Variants in HS6ST3 observed in about 807,000 individuals in gnomAD.
HS6ST3 encodes heparan sulfate 6-O-sulfotransferase 3.
Under a neutral mutation model 36.7 loss-of-function variants are expected in HS6ST3, and 12 were observed. The observed-to-expected ratio is 0.33, with a 90% CI of 0.21 to 0.53. HS6ST3 has a LOEUF of 0.53. Ranked by LOEUF, HS6ST3 falls within the 20% of genes least tolerant of loss-of-function variation. The pLI is 0.95. For synonymous variants in HS6ST3, 240 were observed against 257.5 expected (o/e 0.93, Z 0.65); for missense variants, 584 against 640.9 (o/e 0.91, Z 0.96).
chr13:96,426,217 C>T (rs1434132653), intron 1 of HS6ST3, among the ~76,000 whole-genome samples: 1 of 152,078 alleles, frequency 6.6e-6, no homozygotes, highest in African/African-American at 2.4e-5. Context: ...TTATGTAAAG[C>T]TAATAAGCTT....
intron 1 of HS6ST3, among the ~76,000 whole-genome samples, chr13:96,340,189 A>G (rs1410954239): frequency 6.6e-6 from 1 of 152,238 alleles, no homozygotes; most frequent in African/African-American, 2.4e-5. Flanking sequence ...GACCTAAGAA[A>G]TCAACAACAT....
At chr13:96,432,437 T>A (rs60780546) in intron 1 of HS6ST3, among the ~76,000 whole-genome samples, 1 of 152,194 alleles carries the variant, frequency 6.6e-6, no homozygotes, top group Non-Finnish European at 1.5e-5. Context: ...TCTTTTCTAG[T>A]ATATTGTTAA....
At chr13:96,322,280 C>T (rs1377253144) in intron 1 of HS6ST3, among the ~76,000 whole-genome samples, 3 of 151,420 alleles carry the variant, frequency 2.0e-5, no homozygotes, top group East Asian at 1.9e-4. Flanking sequence ...TGCTGTGGCT[C>T]GTGCCTGTAT....
intron 1 of HS6ST3, among the ~76,000 whole-genome samples, chr13:96,353,377 G>C (rs1449460489): frequency 1.3e-5 from 2 of 151,436 alleles, no homozygotes; most frequent in Non-Finnish European, 2.9e-5. Flanking sequence ...AATTAGTGTA[G>C]AATATAGGTG....
chr13:96,307,378 A>T (rs1004599479), intron 1 of HS6ST3, among the ~76,000 whole-genome samples: 3 of 152,152 alleles, frequency 2.0e-5, no homozygotes, highest in African/African-American at 7.2e-5. Flanking sequence ...AAAATATGGA[A>T]AAAAGAAACT....
intron 1 of HS6ST3, among the ~76,000 whole-genome samples, chr13:96,777,777 C>T (rs1031050038): frequency 1.2e-4 from 18 of 152,168 alleles, no homozygotes; most frequent in African/African-American, 4.1e-4. Flanking sequence ...CAATGCTATC[C>T]CCATCAAGTT....
chr13:96,808,484 T>A (rs1878247729), intron 1 of HS6ST3, among the ~76,000 whole-genome samples: 2 of 152,222 alleles, frequency 1.3e-5, no homozygotes, highest in African/African-American at 4.8e-5. Context: ...ATTGGCTGTT[T>A]TATTGTTTAA....
intron 1 of HS6ST3, among the ~76,000 whole-genome samples, chr13:96,714,873 T>A (rs558458862): frequency 6.6e-6 from 1 of 152,132 alleles, no homozygotes; most frequent in South Asian, 2.1e-4. Context: ...TAATTTAATT[T>A]TTTTTTCTTT....
At chr13:96,764,673 C>G (rs1173535820) in intron 1 of HS6ST3, among the ~76,000 whole-genome samples, 1 of 152,142 alleles carries the variant, frequency 6.6e-6, no homozygotes, top group African/African-American at 2.4e-5. Context: ...ACTTTCTGTG[C>G]AGGCAGGATC....
At chr13:96,409,600 A>AAG (rs1430694637) in intron 1 of HS6ST3, among the ~76,000 whole-genome samples, 1 of 152,222 alleles carries the variant, frequency 6.6e-6, no homozygotes, top group African/African-American at 2.4e-5. Context: ...GTGCTGGCAG[A>AAG]AGATATCAGT....
At chr13:96,181,438 A>G (rs1172311413) in intron 1 of HS6ST3, among the ~76,000 whole-genome samples, 1 of 152,210 alleles carries the variant, frequency 6.6e-6, no homozygotes, top group East Asian at 1.9e-4. Flanking sequence ...ATGACTGGAA[A>G]AACTTTTCTC....
At position 96,177,004 on chromosome 13, in the gene HS6ST3, A is replaced by G. The variant is rs560728356; in HGVS notation, c.707+85435A>G. Among the ~76,000 whole-genome samples, 110 of 152,372 alleles carry G rather than the reference A, an allele frequency of 7.2e-4. No individual in the cohort carries two copies. In the South Asian group the frequency reaches 8.5e-3, roughly 12 times the overall value. The stretch of plus-strand genomic sequence containing the variant: ...TGAAAAGAAGACATACACGCGGCCA[A>G]CTAGCATATGAAAAAAGCTCAATAT... On this transcript the variant is annotated intron_variant, in intron 1 of 1. Coordinates refer to ENST00000376705, the MANE Select transcript of HS6ST3 (RefSeq NM_153456.4).
intron 1 of HS6ST3, among the ~76,000 whole-genome samples, chr13:96,764,074 C>T (rs1040472474): frequency 2.0e-5 from 3 of 152,188 alleles, no homozygotes; most frequent in East Asian, 1.9e-4. Context: ...CTTAATTTAA[C>T]GTTTACTCAC....
chr13:96,329,226 T>A (rs2055051037), intron 1 of HS6ST3, among the ~76,000 whole-genome samples: 1 of 147,188 alleles, frequency 6.8e-6, no homozygotes, highest in East Asian at 2.0e-4. Flanking sequence ...TCTGCTAGCT[T>A]TTGAATGTGT....
chr13:96,253,848 T>C (rs9562059), intron 1 of HS6ST3, among the ~76,000 whole-genome samples: 12,373 of 152,204 alleles, frequency 0.081, 666 homozygotes, highest in East Asian at 0.21. Context: ...ATGATGGGGC[T>C]CCATTAATTT....
At chr13:96,811,009 CCT>C (rs1402993644) in intron 1 of HS6ST3, among the ~76,000 whole-genome samples, 1 of 152,034 alleles carries the variant, frequency 6.6e-6, no homozygotes, top group African/African-American at 2.4e-5. Context: ...AGAGATCCCC[CCT>C]CCCCCCAACT....
At position 96,091,397 on chromosome 13, in the gene HS6ST3, G is replaced by A. The variant is rs142109918; in HGVS notation, c.535G>A (p.Ala179Thr). 1 of 1,613,602 alleles carries A rather than the reference G, an allele frequency of 6.2e-7. No homozygotes were observed. The highest frequency in any genetic ancestry group is 1.3e-5 in the African/African-American group (1 of 74,924). The change falls in exon 1 of 2, where the codon GCG becomes ACG. Residue 179 changes from alanine to threonine, a missense_variant. This residue lies in a region of HS6ST3 where 360 missense variants were observed against 411.3 expected (regional missense o/e 0.88). Coordinates refer to ENST00000376705, the MANE Select transcript of HS6ST3 (RefSeq NM_153456.4). The stretch of plus-strand genomic sequence containing the variant: ...GCTGGAGCAGCCTTGTAGCTGCAAA[G>A]CGGGTCAGAAGAAGTGCACCTGCCA... The part of the protein sequence containing the change: ...IRLEQPCSCK[A>T]GQKKCTCHRP...
rs957087576 is a variant in HS6ST3, at chr13:96,565,459, C to T, written c.708-267031C>T. ...ATAGCAGCCATGTTAGTATCATTTT[C>T]CTACTCCATGGCAGTGACTGGAAAT... On this transcript the variant is annotated intron_variant, in intron 1 of 1. Transcript: ENST00000376705. Among the ~76,000 whole-genome samples, 6 of 152,166 alleles carry T rather than the reference C, an allele frequency of 3.9e-5. No individual in the cohort carries two copies. In the South Asian group the frequency reaches 1.2e-3, roughly 32 times the overall value.
chr13:96,511,935 A>AT (rs1462755879), intron 1 of HS6ST3, among the ~76,000 whole-genome samples: 1 of 152,116 alleles, frequency 6.6e-6, no homozygotes, highest in African/African-American at 2.4e-5. Flanking sequence ...TAATGAGCCA[A>AT]TTTCCCCCAT....
Sources: allele counts gnomAD v4.1 joint callset (sites outside exome capture counted in the v4.1 genomes callset), GRCh38; gene constraint gnomAD v4.1.1; regional missense constraint gnomAD v4.1.1; transcripts MANE v1.5; gene names NCBI Gene and HGNC (gene_info 2026-07-23, HGNC 2026-07-21).